DLG2: variants seen among roughly 807,000 people sequenced by gnomAD.
DLG2 encodes the protein discs large MAGUK scaffold protein 2.
In DLG2, 45 loss-of-function variants were observed where a neutral mutation model predicts 132.5. The ratio of observed to expected loss-of-function variants is 0.34; its 90% confidence interval spans 0.27 to 0.44. The LOEUF (loss-of-function observed/expected upper bound fraction) is 0.44. DLG2 is among the 20% of genes least tolerant of loss of function. DLG2 has a pLI of 1.00. For missense variants in DLG2, 1,045 were observed against 1,196.9 expected, an observed-to-expected ratio of 0.87 and a Z score of 1.87; for synonymous variants, 424 against 419.6, an observed-to-expected ratio of 1.01 and a Z score of -0.13.
At chr11:85,019,063 G>A (rs2059812093) in intron 6 of DLG2, among the ~76,000 whole-genome samples, 1 of 152,104 alleles carries the variant, frequency 6.6e-6, no homozygotes, top group Admixed American at 6.5e-5. Flanking sequence ...CTGCTTTAAG[G>A]AGCCACTCAA....
At chr11:84,984,141 T>G (rs1422361280) in intron 6 of DLG2, among the ~76,000 whole-genome samples, 1 of 152,130 alleles carries the variant, frequency 6.6e-6, no homozygotes, top group Non-Finnish European at 1.5e-5. Flanking sequence ...GACATCTAAA[T>G]ACAAGAAGCT....
At chr11:84,278,417 C>T (rs1383683469) in intron 7 of DLG2, among the ~76,000 whole-genome samples, 1 of 151,864 alleles carries the variant, frequency 6.6e-6, no homozygotes, top group Non-Finnish European at 1.5e-5. Context: ...GAAATAATAA[C>T]GATTCTACAC....
At chr11:85,581,806 C>T (rs1026463693) in intron 3 of DLG2, among the ~76,000 whole-genome samples, 2 of 151,964 alleles carry the variant, frequency 1.3e-5, no homozygotes, top group Admixed American at 6.6e-5. Context: ...TAGATTGAGT[C>T]GTGAGACAAT....
chr11:83,499,739 C>G (rs1273749936), intron 21 of DLG2, among the ~76,000 whole-genome samples: 1 of 147,198 alleles, frequency 6.8e-6, no homozygotes, highest in Non-Finnish European at 1.5e-5. Context: ...ATTGGGGTAT[C>G]TTGTGATCTT....
chr11:84,213,340 C>T (rs2096782757), intron 8 of DLG2, among the ~76,000 whole-genome samples: 1 of 152,098 alleles, frequency 6.6e-6, no homozygotes, highest in African/African-American at 2.4e-5. Context: ...AGGAAATGCT[C>T]TATGAACTTA....
intron 4 of DLG2, among the ~76,000 whole-genome samples, chr11:85,187,679 C>T (rs1595190354): frequency 6.6e-6 from 1 of 152,168 alleles, no homozygotes; most frequent in African/African-American, 2.4e-5. Flanking sequence ...CCCATCTCCA[C>T]TCCATCCAGC....
intron 2 of DLG2, among the ~76,000 whole-genome samples, chr11:85,621,026 T>C (rs1156873765): frequency 1.3e-5 from 2 of 152,220 alleles, no homozygotes; most frequent in Admixed American, 6.5e-5. Flanking sequence ...AATGGGTGAA[T>C]GTAGCTGGTG....
intron 18 of DLG2, among the ~76,000 whole-genome samples, chr11:83,666,675 C>G (rs2075647173): frequency 6.6e-6 from 1 of 152,148 alleles, no homozygotes; most frequent in African/African-American, 2.4e-5. Context: ...TACGTGGTTA[C>G]CTCTTGAAAC....
intron 9 of DLG2, among the ~76,000 whole-genome samples, chr11:84,118,869 A>G (rs2093768185): frequency 1.3e-5 from 2 of 152,208 alleles, no homozygotes; most frequent in Admixed American, 6.5e-5. Context: ...ATGTTGTTCT[A>G]TCTTGTACTT....
At chr11:83,513,482 T>G (rs2095148024) in intron 21 of DLG2, among the ~76,000 whole-genome samples, 1 of 152,242 alleles carries the variant, frequency 6.6e-6, no homozygotes, top group Non-Finnish European at 1.5e-5. Context: ...GTAGGTTGCC[T>G]GTTCACTCTG....
At chr11:84,179,337 G>A (rs2096058726) in intron 8 of DLG2, among the ~76,000 whole-genome samples, 1 of 152,140 alleles carries the variant, frequency 6.6e-6, no homozygotes, top group Admixed American at 6.6e-5. Flanking sequence ...AGATCCATCA[G>A]AGAAGTTAAG....
intron 4 of DLG2, among the ~76,000 whole-genome samples, chr11:85,188,326 G>A (rs1331728077): frequency 8.5e-5 from 13 of 152,106 alleles, no homozygotes; most frequent in Admixed American, 8.5e-4. Context: ...AATCCTGCAG[G>A]GAAAGAGATT....
At chr11:84,038,330 G>A (rs2095933982) in intron 11 of DLG2, among the ~76,000 whole-genome samples, 1 of 151,842 alleles carries the variant, frequency 6.6e-6, no homozygotes, top group Middle Eastern at 3.4e-3. Flanking sequence ...AAAAAAGTGG[G>A]CAAAGGACAT....
intron 6 of DLG2, chr11:84,720,357 A>T: frequency 1.0e-6 from 1 of 985,484 alleles, no homozygotes; most frequent in Non-Finnish European, 1.2e-6. Flanking sequence ...GTGGCAAATC[A>T]TTGGTGTAAA....
chr11:84,295,807 A>C (rs1030880684), intron 7 of DLG2, among the ~76,000 whole-genome samples: 2 of 152,206 alleles, frequency 1.3e-5, no homozygotes, highest in Non-Finnish European at 2.9e-5. Context: ...TGCCACTATA[A>C]TATTTCTGCT....
chr11:85,070,483 C>G (rs2065678210), intron 6 of DLG2, among the ~76,000 whole-genome samples: 1 of 151,612 alleles, frequency 6.6e-6, no homozygotes, highest in African/African-American at 2.4e-5. Flanking sequence ...TCGGTACATT[C>G]AGGTGACAGG....
chr11:85,443,006 C>T (rs1008086435), intron 3 of DLG2, among the ~76,000 whole-genome samples: 25 of 151,658 alleles, frequency 1.6e-4, no homozygotes, highest in African/African-American at 5.6e-4. Flanking sequence ...AGTGCTATGA[C>T]AATATACAAC....
chr11:84,112,899 G>A (rs1466036563), intron 9 of DLG2, among the ~76,000 whole-genome samples: 1 of 152,136 alleles, frequency 6.6e-6, no homozygotes, highest in Admixed American at 6.5e-5. Flanking sequence ...ATTCTCTTAA[G>A]TTTTCTGAAC....
chr11:85,016,788 A>T (rs575154778), intron 6 of DLG2, among the ~76,000 whole-genome samples: 1 of 152,240 alleles, frequency 6.6e-6, no homozygotes, highest in Admixed American at 6.5e-5. Context: ...GATAGCCCTC[A>T]GTCTCCTAAT....
Sources: allele counts gnomAD v4.1 joint callset (sites outside exome capture counted in the v4.1 genomes callset), GRCh38; gene constraint gnomAD v4.1.1; transcripts MANE v1.5; gene names NCBI Gene and HGNC (gene_info 2026-07-23, HGNC 2026-07-21).